ITGA9: variants seen among roughly 807,000 people sequenced by gnomAD.
The protein encoded by ITGA9 is integrin alpha-9.
ITGA9 carries 56 observed loss-of-function variants against 127.8 expected under a neutral mutation model. That is an observed-to-expected ratio of 0.44 (90% CI 0.35 to 0.55). The LOEUF is 0.55. Ranked by LOEUF, ITGA9 falls within the 20% of genes least tolerant of loss-of-function variation. The pLI is 0.00. For missense variants in ITGA9, 1,196 were observed against 1,347.1 expected (o/e 0.89, Z 1.76); for synonymous variants, 508 against 514.5 (o/e 0.99, Z 0.17).
At chr3:37,459,037 T>C (rs575293425) in intron 1 of ITGA9, among the ~76,000 whole-genome samples, 6 of 152,278 alleles carry the variant, frequency 3.9e-5, no homozygotes, top group East Asian at 1.9e-4. Flanking sequence ...AAGTCCAAGA[T>C]TGGGAAAAAT....
At chr3:37,709,169 G>A (rs1330451522) in intron 18 of ITGA9, among the ~76,000 whole-genome samples, 2 of 152,196 alleles carry the variant, frequency 1.3e-5, no homozygotes, top group East Asian at 3.8e-4. Flanking sequence ...AGACATTCAT[G>A]TAAAGCACTT....
At chr3:37,816,217 G>C (rs1315494585) in intron 27 of ITGA9, among the ~76,000 whole-genome samples, 1 of 152,130 alleles carries the variant, frequency 6.6e-6, no homozygotes, top group Non-Finnish European at 1.5e-5. Flanking sequence ...CTGAGTACTG[G>C]GGATTGAAAG....
rs1453293590 is a variant in ITGA9 at position 37,654,124 on chromosome 3, AC to A, written c.1916+335del. Among the ~76,000 whole-genome samples, 6 of 151,344 alleles carry A rather than the reference AC, an allele frequency of 4.0e-5. No individual in the cohort carries two copies. In the East Asian group the frequency reaches 9.7e-4, roughly 25 times the overall value. ...ATCATATGAAATTGCCAATATTTGA[AC>A]TTTTGGACAATTTCATATGTATGAT... On this transcript the variant is annotated intron_variant, in intron 17 of 27. Coordinates refer to ENST00000264741, the MANE Select transcript of ITGA9 (RefSeq NM_002207.3).
chr3:37,551,409 A>G (rs983561170), intron 15 of ITGA9, among the ~76,000 whole-genome samples: 4 of 152,160 alleles, frequency 2.6e-5, no homozygotes, highest in African/African-American at 9.7e-5. Context: ...AAGCTCTGGA[A>G]GTTTTCCTAC....
At chr3:37,455,713 A>G (rs1330371995) in intron 1 of ITGA9, among the ~76,000 whole-genome samples, 2 of 152,232 alleles carry the variant, frequency 1.3e-5, no homozygotes, top group East Asian at 1.9e-4. Flanking sequence ...GCAGTCTAAG[A>G]TATTTGCTTC....
intron 15 of ITGA9, among the ~76,000 whole-genome samples, chr3:37,577,318 A>G (rs1699663528): frequency 6.6e-6 from 1 of 152,266 alleles, no homozygotes; most frequent in Non-Finnish European, 1.5e-5. Context: ...TCTTGAGTAT[A>G]AAAGGAATCC....
At chr3:37,631,924 G>A (rs1274427153) in intron 16 of ITGA9, among the ~76,000 whole-genome samples, 4 of 152,182 alleles carry the variant, frequency 2.6e-5, no homozygotes, top group Admixed American at 6.5e-5. Flanking sequence ...TAGTGTGGGC[G>A]GCCTCGTTCT....
intron 16 of ITGA9, among the ~76,000 whole-genome samples, chr3:37,634,711 A>C (rs1402380192): frequency 1.3e-5 from 2 of 152,182 alleles, no homozygotes; most frequent in African/African-American, 4.8e-5. Context: ...AAAATCAATA[A>C]GGAAACATCA....
chr3:37,722,669 A>C (rs1359646034), intron 18 of ITGA9, among the ~76,000 whole-genome samples: 1 of 152,250 alleles, frequency 6.6e-6, no homozygotes, highest in Non-Finnish European at 1.5e-5. Flanking sequence ...TTCATGGCTG[A>C]ATAATATTCC....
intron 15 of ITGA9, among the ~76,000 whole-genome samples, chr3:37,578,390 T>C (rs930902114): frequency 4.6e-5 from 7 of 152,190 alleles, no homozygotes; most frequent in Admixed American, 1.3e-4. Context: ...TAGAGGGATA[T>C]GGAATGACCC....
intron 17 of ITGA9, 54 bp downstream of exon 17, chr3:37,653,844 C>T: frequency 7.5e-7 from 1 of 1,333,894 alleles, no homozygotes; most frequent in Non-Finnish European, 1.1e-6. Context: ...TTCTTGACCC[C>T]AGGTCCCAAA....
intron 18 of ITGA9, among the ~76,000 whole-genome samples, chr3:37,706,395 T>G (rs148596270): frequency 3.3e-5 from 5 of 152,340 alleles, no homozygotes; most frequent in African/African-American, 1.2e-4. Flanking sequence ...TACCTGTCAG[T>G]TGCAACGCCT....
At chr3:37,793,705 C>A (rs1397570125) in intron 26 of ITGA9, among the ~76,000 whole-genome samples, 1 of 151,958 alleles carries the variant, frequency 6.6e-6, no homozygotes, top group Non-Finnish European at 1.5e-5. Flanking sequence ...ATAAATGGGA[C>A]AGGATAGGAA....
intron 19 of ITGA9, among the ~76,000 whole-genome samples, chr3:37,734,830 G>A (rs987002791): frequency 6.6e-6 from 1 of 152,182 alleles, no homozygotes; most frequent in African/African-American, 2.4e-5. Flanking sequence ...TATGAACATT[G>A]GAATGTTGGT....
chr3:37,538,520 C>T (rs933430100), intron 14 of ITGA9, among the ~76,000 whole-genome samples: 4 of 152,266 alleles, frequency 2.6e-5, no homozygotes, highest in African/African-American at 9.6e-5. Context: ...TAGCAGCCTC[C>T]CAGGGACAGA....
intron 1 of ITGA9, among the ~76,000 whole-genome samples, chr3:37,459,882 A>T (rs562042174): frequency 1.3e-5 from 2 of 152,260 alleles, no homozygotes; most frequent in South Asian, 4.1e-4. Context: ...GGGGATGCTT[A>T]TTCATGACCC....
intron 26 of ITGA9, among the ~76,000 whole-genome samples, chr3:37,796,181 C>G (rs947898488): frequency 6.6e-6 from 1 of 152,046 alleles, no homozygotes; most frequent in Non-Finnish European, 1.5e-5. Flanking sequence ...GATCTTCCCT[C>G]CCTTGTTTAG....
intron 5 of ITGA9, among the ~76,000 whole-genome samples, chr3:37,502,213 CTTTTTTTTTTT>C (rs910743416): frequency 8.9e-6 from 1 of 111,832 alleles, no homozygotes; most frequent in East Asian, 2.6e-4. Context: ...GTTCTTGAGT[CTTTTTTTTTTT>C]TTTTTTTTTT....
At chr3:37,735,041 G>C (rs552425912) in intron 19 of ITGA9, among the ~76,000 whole-genome samples, 1 of 152,202 alleles carries the variant, frequency 6.6e-6, no homozygotes, top group African/African-American at 2.4e-5. Flanking sequence ...CCAACCCTGA[G>C]GGTCCTCAGG....
Sources: allele counts gnomAD v4.1 joint callset (sites outside exome capture counted in the v4.1 genomes callset), GRCh38; gene constraint gnomAD v4.1.1; transcripts MANE v1.5; gene names NCBI Gene and HGNC (gene_info 2026-07-23, HGNC 2026-07-21).